The following ZNF704 variants were observed in gnomAD, a reference collection of about 807,000 sequenced individuals.
ZNF704 encodes the protein glucocorticoid induced gene 1.
A neutral mutation model predicts 44.7 loss-of-function variants in ZNF704; 10 were observed. The ratio of observed to expected loss-of-function variants is 0.22; its 90% CI spans 0.14 to 0.38. ZNF704 has a LOEUF of 0.38. Among genes scored for constraint, ZNF704 ranks in the 10% least tolerant of loss-of-function variants. The pLI is 1.00. For missense variants in ZNF704, 390 were observed against 545.5 expected (o/e 0.71, Z 2.84); for synonymous variants, 211 against 207.6 (o/e 1.02, Z -0.14).
At chr8:80,748,616 G>A (rs1431784915) in intron 2 of ZNF704, among the ~76,000 whole-genome samples, 1 of 152,196 alleles carries the variant, frequency 6.6e-6, no homozygotes, top group Non-Finnish European at 1.5e-5. Context: ...GGAAATGGTA[G>A]GGGAATGGGC....
chr8:80,768,653 C>T lies in ZNF704; in HGVS notation c.221+52721G>A, dbSNP rs182091372. On this transcript the variant is annotated intron_variant, in intron 2 of 8. Transcript: ENST00000327835. ...CAAGGTTGGCATCAGAAAATAAAGG[C>T]GGTTAACATCGCATGCTATCTAACT... Among the ~76,000 whole-genome samples, 12 of 151,350 alleles carry T rather than the reference C, an allele frequency of 7.9e-5. No individual in the cohort carries two copies. In the East Asian group the frequency reaches 1.7e-3, roughly 22 times the overall value.
intron 3 of ZNF704, among the ~76,000 whole-genome samples, chr8:80,688,406 C>T (rs573172051): frequency 4.6e-5 from 7 of 152,224 alleles, no homozygotes; most frequent in African/African-American, 4.8e-5. Context: ...AAAGCTTATT[C>T]GCACAGTCTC....
Position 80,636,295 on chromosome 8 carries a change from A to C in ZNF704, c.*5071T>G, listed in dbSNP as rs1817662405. On this transcript the variant is annotated 3_prime_UTR_variant, in exon 9 of 9. Transcript: ENST00000327835. The stretch of plus-strand genomic sequence containing the variant: ...CATGAGATTGTCTTCAAAAAAAGGA[A>C]CTATTTACAAAACAGGACCAGAAGT... The C allele has an allele frequency of 1.3e-5, 2 of 152,222 alleles. No homozygotes were observed. The highest frequency in any genetic ancestry group is 4.8e-5 in the African/African-American group (2 of 41,460). The allele number at this position is 152,222 out of a possible 1,614,324, so 9.4% of individuals were successfully genotyped here.
intron 6 of ZNF704, among the ~76,000 whole-genome samples, chr8:80,662,865 A>C (rs1385199394): frequency 2.0e-5 from 3 of 152,262 alleles, no homozygotes; most frequent in Non-Finnish European, 4.4e-5. Context: ...ATTAAAAAGT[A>C]AATACCTAAC....
chr8:80,839,214 A>G (rs1008796989), intron 1 of ZNF704, among the ~76,000 whole-genome samples: 3 of 152,192 alleles, frequency 2.0e-5, no homozygotes, highest in African/African-American at 4.8e-5. Flanking sequence ...TAGAAACACA[A>G]CTTTTCAAAT....
At chr8:80,739,354 G>A (rs1233137389) in intron 2 of ZNF704, among the ~76,000 whole-genome samples, 4 of 152,082 alleles carry the variant, frequency 2.6e-5, no homozygotes, top group African/African-American at 4.8e-5. Context: ...CTAACTTATG[G>A]AGAGGTGGGC....
At chr8:80,717,814 T>C (rs1452639314) in intron 2 of ZNF704, among the ~76,000 whole-genome samples, 1 of 152,214 alleles carries the variant, frequency 6.6e-6, no homozygotes, top group African/African-American at 2.4e-5. Context: ...AACTAAATCT[T>C]TGATGACTCT....
intron 4 of ZNF704, among the ~76,000 whole-genome samples, chr8:80,671,918 C>T (rs1818288186): frequency 6.6e-6 from 1 of 152,186 alleles, no homozygotes; most frequent in Non-Finnish European, 1.5e-5. Flanking sequence ...ACCACCAGAT[C>T]AGAGTTCTTA....
chr8:80,844,660 C>T (rs771688243), intron 1 of ZNF704, among the ~76,000 whole-genome samples: 1 of 152,010 alleles, frequency 6.6e-6, no homozygotes, highest in Non-Finnish European at 1.5e-5. Flanking sequence ...AAGGCAGGAA[C>T]CAAAAGCTAT....
chr8:80,678,261 T>C (rs1271769115), intron 4 of ZNF704, among the ~76,000 whole-genome samples: 2 of 149,108 alleles, frequency 1.3e-5, no homozygotes, highest in African/African-American at 5.2e-5. Context: ...TAATTACATA[T>C]AGTGGGAAGA....
chr8:80,713,607 C>T (rs890586125), intron 2 of ZNF704, among the ~76,000 whole-genome samples: 3 of 152,132 alleles, frequency 2.0e-5, no homozygotes, highest in South Asian at 4.2e-4. Flanking sequence ...AGGCACCTGC[C>T]GTATGGAGGA....
At chr8:80,812,821 T>A (rs1808111333) in intron 2 of ZNF704, among the ~76,000 whole-genome samples, 1 of 152,238 alleles carries the variant, frequency 6.6e-6, no homozygotes, top group African/African-American at 2.4e-5. Flanking sequence ...TTGAATGTTA[T>A]CCTTTTTAGA....
intron 4 of ZNF704, among the ~76,000 whole-genome samples, chr8:80,671,307 T>C (rs1298691507): frequency 1.3e-5 from 2 of 152,186 alleles, no homozygotes; most frequent in Non-Finnish European, 2.9e-5. Flanking sequence ...TTTTGTATTT[T>C]TGGTAAAGAC....
At chr8:80,680,007 G>T (rs1398510633) in intron 4 of ZNF704, among the ~76,000 whole-genome samples, 1 of 152,250 alleles carries the variant, frequency 6.6e-6, no homozygotes, top group East Asian at 1.9e-4. Context: ...TGGCCAAGGT[G>T]TCCCTGATTT....
intron 7 of ZNF704, among the ~76,000 whole-genome samples, chr8:80,647,734 G>A (rs970688148): frequency 6.6e-6 from 1 of 152,210 alleles, no homozygotes; most frequent in Non-Finnish European, 1.5e-5. Context: ...GAGGAGTCAA[G>A]GATGAATCCC....
At chr8:80,641,568 GGAA>G in intron 8 of ZNF704, 91 bp from the exon 9 acceptor site, 1 of 527,986 alleles carries the variant, frequency 1.9e-6, no homozygotes, top group Non-Finnish European at 2.9e-6. Context: ...GAGTGAGGGA[GGAA>G]AAAAAAAAAA....
At chr8:80,794,650 A>C (rs1807768055) in intron 2 of ZNF704, among the ~76,000 whole-genome samples, 1 of 152,250 alleles carries the variant, frequency 6.6e-6, no homozygotes, top group Non-Finnish European at 1.5e-5. Context: ...GAGATCAAAC[A>C]GTAAAACTGC....
chr8:80,648,923 C>T (rs1323184967), intron 7 of ZNF704, among the ~76,000 whole-genome samples: 1 of 152,162 alleles, frequency 6.6e-6, no homozygotes, highest in Non-Finnish European at 1.5e-5. Context: ...TTGCACTCTT[C>T]CATCCTGCCA....
At chr8:80,658,697 A>C (rs1335827886) in intron 7 of ZNF704, 1 of 152,236 alleles carries the variant, frequency 6.6e-6, no homozygotes, top group Non-Finnish European at 1.5e-5. Context: ...GGAATTTAAT[A>C]AATATTCATC....
Sources: gnomAD v4.1 joint callset for allele counts (sites outside exome capture counted in the v4.1 genomes callset) on GRCh38, gnomAD v4.1.1 for gene constraint, MANE v1.5 for transcripts, NCBI Gene and HGNC (gene_info 2026-07-23, HGNC 2026-07-21) for gene names.